The following LHCGR variants were observed in gnomAD, a reference collection of about 807,000 sequenced individuals.
LHCGR encodes the protein luteinizing hormone/choriogonadotropin receptor.
In LHCGR, 55 loss-of-function variants were observed where a neutral mutation model predicts 60.7. The ratio of observed to expected loss-of-function variants is 0.91; its 90% CI spans 0.73 to 1.13. The LOEUF is 1.13. Among genes scored for constraint, LHCGR ranks in the 50% most tolerant of loss-of-function variants. The probability of loss-of-function intolerance (pLI) is 0.00; values close to 1 mark genes in which losing one functional copy is unlikely to be tolerated. For missense variants in LHCGR, 862 were observed against 836.0 expected (o/e 1.03, Z -0.38); for synonymous variants, 337 against 316.5 (o/e 1.06, Z -0.69).
intron 1 of LHCGR, among the ~76,000 whole-genome samples, chr2:48,749,762 A>T (rs1311592129): frequency 6.6e-5 from 10 of 151,126 alleles, no homozygotes; most frequent in Admixed American, 6.6e-4. Context: ...AGGAATTACT[A>T]CTCTCCAAGG....
chr2:48,746,219 A>G (rs1669699794), intron 1 of LHCGR, among the ~76,000 whole-genome samples: 1 of 152,212 alleles, frequency 6.6e-6, no homozygotes, highest in Non-Finnish European at 1.5e-5. Flanking sequence ...AGGGGTGGAT[A>G]GGTTCCATAC....
intron 3 of LHCGR, among the ~76,000 whole-genome samples, chr2:48,728,324 T>C (rs1313251665): frequency 1.3e-5 from 2 of 152,106 alleles, no homozygotes; most frequent in East Asian, 3.8e-4. Flanking sequence ...TGACACAACA[T>C]AGAAGAAATG....
Position 48,729,153 on chromosome 2 carries a change from A to C in LHCGR, c.308T>G (p.Ile103Arg). ...AAACTGTCTGTTAGCTGATGCTTACATTTCAGACAAATTGAGGAGGTTGTC... is the reference window on the plus strand; with the variant it reads ...AAACTGTCTGTTAGCTGATGCTTACCTTTCAGACAAATTGAGGAGGTTGTC... ...AFDNLLNLSE[I>R]LIQNTKNLRY... The change falls in exon 3 of 11, where the codon ATA becomes AGA. Residue 103 changes from isoleucine (I) to arginine (R), a missense_variant and splice_region_variant. Physicochemically the swap from Ile to Arg is moderately conservative, Grantham distance 97 (BLOSUM62 -3). Coordinates refer to ENST00000294954, the MANE Select transcript of LHCGR (RefSeq NM_000233.4). 6.2e-7 allele frequency: 1 copy of C among 1,608,368 alleles called. No individual in the cohort carries two copies. Among genetic ancestry groups the C allele is most frequent in the Non-Finnish European group, 8.5e-7 (1 of 1,175,294 alleles).
At chr2:48,743,192 CA>C (rs2103696269) in intron 1 of LHCGR, among the ~76,000 whole-genome samples, 1 of 152,184 alleles carries the variant, frequency 6.6e-6, no homozygotes, top group African/African-American at 2.4e-5. Context: ...GAAATTGTGG[CA>C]ATAATCAATA....
intron 10 of LHCGR, 140 bp downstream of exon 10, chr2:48,694,084 C>A (rs1666998556): frequency 1.5e-6 from 1 of 652,234 alleles, no homozygotes; most frequent in Non-Finnish European, 2.8e-6. Flanking sequence ...AGAAAAAATT[C>A]CCATTTTAAA....
intron 1 of LHCGR, chr2:48,733,094 G>A (rs577021677): frequency 1.2e-5 from 5 of 408,434 alleles, no homozygotes; most frequent in African/African-American, 6.2e-5. Context: ...ATTTACAGAA[G>A]AGAAAGCTGT....
intron 1 of LHCGR, among the ~76,000 whole-genome samples, chr2:48,736,941 A>G (rs1669227248): frequency 6.6e-6 from 1 of 152,184 alleles, no homozygotes; most frequent in Admixed American, 6.5e-5. Context: ...GCAAATTATA[A>G]CTGTAGGTTT....
intron 6 of LHCGR, among the ~76,000 whole-genome samples, chr2:48,717,692 G>T (rs1298661548): frequency 1.3e-5 from 2 of 152,018 alleles, no homozygotes; most frequent in Non-Finnish European, 2.9e-5. Context: ...CAATGAAGTA[G>T]GGGGTCTTTC....
intron 10 of LHCGR, among the ~76,000 whole-genome samples, chr2:48,692,362 T>G (rs1288483050): frequency 6.6e-6 from 1 of 152,234 alleles, no homozygotes; most frequent in East Asian, 1.9e-4. Flanking sequence ...GTCAAACATG[T>G]TTTCTCACTT....
intron 10 of LHCGR, among the ~76,000 whole-genome samples, chr2:48,691,534 A>T (rs1005453988): frequency 2.3e-4 from 35 of 152,214 alleles, no homozygotes; most frequent in African/African-American, 7.7e-4. Flanking sequence ...AAAATAGATC[A>T]TAAATTTCTT....
Position 48,688,662 on chromosome 2 carries a change from T to C in LHCGR, c.1135A>G (p.Thr379Ala), listed in dbSNP as rs762489756. 1.3e-5 allele frequency: 21 copies of C among 1,614,006 alleles called. No homozygotes were observed. Among genetic ancestry groups the C allele is most frequent in the Non-Finnish European group, 1.8e-5 (21 of 1,180,034 alleles). ...CTTGTCAGGAGAACAAAAAGAACAGTCATGTTTCCCATGATGGCTAGAATA... is the reference window on the plus strand; with the variant it reads ...CTTGTCAGGAGAACAAAAAGAACAGCCATGTTTCCCATGATGGCTAGAATA... ...INILAIMGNM[T>A]VLFVLLTSRY... The change falls in exon 11 of 11, where the codon ACT becomes GCT. Residue 379 changes from threonine to alanine, a missense_variant. Coordinates refer to ENST00000294954, the MANE Select transcript of LHCGR (RefSeq NM_000233.4). This position sits in a 1 kb window ranked among gnomAD's most constrained non-coding sequence, Gnocchi z 5.2.
chr2:48,725,868 A>T, intron 3 of LHCGR, 118 bp from the exon 4 acceptor site: 1 of 819,062 alleles, frequency 1.2e-6, no homozygotes, highest in Admixed American at 1.8e-5. Context: ...AAAGCAGGCG[A>T]CCTTCATATG....
chr2:48,747,941 C>G (rs948498486), intron 1 of LHCGR, among the ~76,000 whole-genome samples: 5 of 152,120 alleles, frequency 3.3e-5, no homozygotes, highest in African/African-American at 1.2e-4. Context: ...CTTTGAATAG[C>G]GATTCCTCAG....
chr2:48,743,197 A>G (rs1669550189), intron 1 of LHCGR, among the ~76,000 whole-genome samples: 1 of 152,196 alleles, frequency 6.6e-6, no homozygotes, highest in Non-Finnish European at 1.5e-5. Context: ...TGTGGCAATA[A>G]TCAATAGCTT....
intron 1 of LHCGR, among the ~76,000 whole-genome samples, chr2:48,740,578 G>A (rs1329920063): frequency 6.6e-6 from 1 of 152,190 alleles, no homozygotes; most frequent in Non-Finnish European, 1.5e-5. Flanking sequence ...CCCAGTAGGG[G>A]CAGACTGACA....
intron 1 of LHCGR, among the ~76,000 whole-genome samples, chr2:48,739,025 C>G (rs1157779468): frequency 6.6e-6 from 1 of 152,196 alleles, no homozygotes; most frequent in Non-Finnish European, 1.5e-5. Flanking sequence ...ATGGTTCCTA[C>G]TGTTTGGCAC....
At chr2:48,742,837 A>G (rs1255738142) in intron 1 of LHCGR, among the ~76,000 whole-genome samples, 1 of 152,028 alleles carries the variant, frequency 6.6e-6, no homozygotes, top group Non-Finnish European at 1.5e-5. Context: ...AGAAATAACT[A>G]AAATCAGAGC....
chr2:48,747,660 T>C lies in LHCGR; in HGVS notation c.161+7851A>G, dbSNP rs567247631. Among the ~76,000 whole-genome samples, 6 of 150,548 alleles carry C rather than the reference T, an allele frequency of 4.0e-5. No homozygotes were observed. In the South Asian group the frequency reaches 1.3e-3, roughly 34 times the overall value. On this transcript the variant is annotated intron_variant, in intron 1 of 10. Coordinates refer to ENST00000294954, the MANE Select transcript of LHCGR (RefSeq NM_000233.4). Reference sequence around the variant, plus strand: ...GAGAGGAGTCGTTTTTGGAACCGACTCCTTGTAAATCTAGGGGAAAGCTCC... The same window carrying C: ...GAGAGGAGTCGTTTTTGGAACCGACCCCTTGTAAATCTAGGGGAAAGCTCC...
At chr2:48,710,981 A>C (rs576681559) in intron 7 of LHCGR, among the ~76,000 whole-genome samples, 21 of 152,146 alleles carry the variant, frequency 1.4e-4, no homozygotes, top group African/African-American at 4.8e-4. Context: ...GTCCTGCTCC[A>C]TCTCCTTCAT....
Sources: allele counts gnomAD v4.1 joint callset (sites outside exome capture counted in the v4.1 genomes callset), GRCh38; gene constraint gnomAD v4.1.1; non-coding constraint Gnocchi (gnomAD v3.1); transcripts MANE v1.5; gene names NCBI Gene and HGNC (gene_info 2026-07-23, HGNC 2026-07-21).